Variants in FHIT observed in about 807,000 individuals in gnomAD.
FHIT encodes the protein fragile histidine triad diadenosine triphosphatase, also known as bis(5'-adenosyl)-triphosphatase.
Under a neutral mutation model 17.9 loss-of-function variants are expected in FHIT, and 19 were observed. That is an observed-to-expected ratio of 1.06 (90% CI 0.74 to 1.56). The LOEUF is 1.56. FHIT is among the 40% of genes most tolerant of loss of function. FHIT has a pLI of 0.00. For missense variants in FHIT, 248 were observed against 189.2 expected (o/e 1.31, Z -1.82); for synonymous variants, 81 against 69.7 (o/e 1.16, Z -0.81).
intron 5 of FHIT, among the ~76,000 whole-genome samples, chr3:60,289,162 G>T (rs1707864632): frequency 6.6e-6 from 1 of 152,140 alleles, no homozygotes; most frequent in South Asian, 2.1e-4. Flanking sequence ...GACCATTCTA[G>T]TATTTAATAT....
rs954138848 is a variant in FHIT at position 60,410,734 on chromosome 3, A to G, written c.103+126126T>C. ...TAATTAGCTAAATAATTTCCCTGGA[A>G]AACTATTAAGTAGGACAGAGGATTC... On this transcript the variant is annotated intron_variant, in intron 5 of 9. Coordinates refer to ENST00000492590, the MANE Select transcript of FHIT (RefSeq NM_002012.4). Among the ~76,000 whole-genome samples, 22 of 152,196 alleles carry G rather than the reference A, an allele frequency of 1.4e-4. 1 individual carries two copies. The highest frequency in any genetic ancestry group is 1.3e-3 in the Admixed American group (20 of 15,268).
chr3:60,084,019 C>G (rs1036406024), intron 5 of FHIT, among the ~76,000 whole-genome samples: 1 of 143,028 alleles, frequency 7.0e-6, no homozygotes, highest in African/African-American at 2.7e-5. Flanking sequence ...AAGATGACCA[C>G]CACATATTAA....
At chr3:60,300,919 T>C (rs1174069565) in intron 5 of FHIT, among the ~76,000 whole-genome samples, 1 of 151,998 alleles carries the variant, frequency 6.6e-6, no homozygotes, top group African/African-American at 2.4e-5. Context: ...CCCATTCTCT[T>C]TTACCTGTAC....
In FHIT at chr3:60,192,653, C is replaced by T. The variant is rs1702457852; in HGVS notation, c.104-178501G>A. 2.0e-5 allele frequency among the ~76,000 whole-genome samples: 3 copies of T among 152,144 alleles called. No homozygotes were observed. In the South Asian group the frequency reaches 6.2e-4, roughly 31 times the overall value. On this transcript the variant is annotated intron_variant, in intron 5 of 9. Coordinates refer to ENST00000492590, the MANE Select transcript of FHIT (RefSeq NM_002012.4). The stretch of plus-strand genomic sequence containing the variant: ...GTTGCCTGCATCTCATATTTGACAC[C>T]TTTACCCTACATGCTGCTTACCTGC...
At chr3:59,929,105 G>C (rs1705825775) in intron 7 of FHIT, among the ~76,000 whole-genome samples, 1 of 151,472 alleles carries the variant, frequency 6.6e-6, no homozygotes, top group South Asian at 2.1e-4. Flanking sequence ...TGGTACGGCT[G>C]CTTTAGAAAA....
At chr3:60,162,323 C>G (rs963474700) in intron 5 of FHIT, among the ~76,000 whole-genome samples, 5 of 152,128 alleles carry the variant, frequency 3.3e-5, no homozygotes, top group African/African-American at 1.2e-4. Context: ...TTTCTATAGT[C>G]ACCTGCCTAT....
chr3:60,154,570 T>C (rs190822618), intron 5 of FHIT, among the ~76,000 whole-genome samples: 21 of 152,340 alleles, frequency 1.4e-4, no homozygotes, highest in Admixed American at 6.5e-4. Context: ...TGCAAACTTA[T>C]AATATTCCAA....
At chr3:60,688,675 A>T (rs1269995893) in intron 4 of FHIT, among the ~76,000 whole-genome samples, 2 of 151,832 alleles carry the variant, frequency 1.3e-5, no homozygotes, top group African/African-American at 4.8e-5. Flanking sequence ...CAGGTGATCC[A>T]CCCACCTCAG....
chr3:60,240,124 A>G (rs746485545), intron 5 of FHIT, among the ~76,000 whole-genome samples: 6 of 152,186 alleles, frequency 3.9e-5, no homozygotes, highest in Non-Finnish European at 8.8e-5. Context: ...TAGGTTTTCA[A>G]TATCAATATG....
At chr3:60,244,920 G>C (rs1705316104) in intron 5 of FHIT, among the ~76,000 whole-genome samples, 3 of 152,140 alleles carry the variant, frequency 2.0e-5, no homozygotes, top group African/African-American at 7.2e-5. Flanking sequence ...TAGAAAAACT[G>C]TATCATAAAA....
At chr3:61,139,742 A>C (rs4688292) in intron 2 of FHIT, among the ~76,000 whole-genome samples, 41,303 of 151,882 alleles carry the variant, frequency 0.27, 5,912 homozygotes, top group East Asian at 0.44. Flanking sequence ...TGGCTCATGT[A>C]TATGTGGTAC....
At chr3:60,336,567 T>C (rs1559831179) in intron 5 of FHIT, among the ~76,000 whole-genome samples, 1 of 152,182 alleles carries the variant, frequency 6.6e-6, no homozygotes, top group Non-Finnish European at 1.5e-5. Context: ...AAAATCTAAA[T>C]AGATCTGTGC....
chr3:60,132,492 T>C (rs1331415012), intron 5 of FHIT, among the ~76,000 whole-genome samples: 1 of 152,120 alleles, frequency 6.6e-6, no homozygotes, highest in Non-Finnish European at 1.5e-5. Flanking sequence ...TTGGCAAACA[T>C]TACTACAGGC....
At chr3:60,070,198 G>T (rs1035278094) in intron 5 of FHIT, among the ~76,000 whole-genome samples, 2 of 152,144 alleles carry the variant, frequency 1.3e-5, no homozygotes, top group African/African-American at 2.4e-5. Flanking sequence ...CACCAGGTAG[G>T]TGAGTATCTG....
chr3:61,011,000 C>T (rs2031757604), intron 3 of FHIT, among the ~76,000 whole-genome samples: 1 of 152,176 alleles, frequency 6.6e-6, no homozygotes, highest in Admixed American at 6.5e-5. Context: ...AATTCACATT[C>T]TCTAACATGA....
chr3:61,232,040 T>A (rs145598321), intron 1 of FHIT, among the ~76,000 whole-genome samples: 152 of 152,306 alleles, frequency 1.0e-3, no homozygotes, highest in African/African-American at 3.5e-3. Context: ...AAGTTGACAT[T>A]TGCCTTTAAC....
rs557905836 is a variant in FHIT at position 60,751,057 on chromosome 3, C to G, written c.-18+70862G>C. 2.0e-5 allele frequency among the ~76,000 whole-genome samples: 3 copies of G among 152,332 alleles called. No individual in the cohort carries two copies. In the South Asian group the frequency reaches 6.2e-4, roughly 32 times the overall value. ...ATGTGACTAACAAACTGCTGTCTCACTGGTCCAGTGTTGTTCAGTCATCTT... is the reference window on the plus strand; with the variant it reads ...ATGTGACTAACAAACTGCTGTCTCAGTGGTCCAGTGTTGTTCAGTCATCTT... On this transcript the variant is annotated intron_variant, in intron 4 of 9. Coordinates refer to ENST00000492590, the MANE Select transcript of FHIT (RefSeq NM_002012.4).
intron 5 of FHIT, among the ~76,000 whole-genome samples, chr3:60,197,871 C>A (rs1394700483): frequency 6.6e-6 from 1 of 152,068 alleles, no homozygotes; most frequent in African/African-American, 2.4e-5. Context: ...CCCATGAAAC[C>A]AACACAGCAG....
chr3:59,861,954 G>T (rs377197431), intron 8 of FHIT, among the ~76,000 whole-genome samples: 1 of 152,044 alleles, frequency 6.6e-6, no homozygotes, highest in African/African-American at 2.4e-5. Flanking sequence ...TGATGTAATT[G>T]GTACTAGTTG....
Sources: gnomAD v4.1 joint callset for allele counts (sites outside exome capture counted in the v4.1 genomes callset) on GRCh38, gnomAD v4.1.1 for gene constraint, MANE v1.5 for transcripts, NCBI Gene and HGNC (gene_info 2026-07-23, HGNC 2026-07-21) for gene names.